The following GYG2 variants were observed in gnomAD, a reference collection of about 807,000 sequenced individuals.
GYG2 encodes the protein glycogenin-2.
A neutral mutation model predicts 29.4 loss-of-function variants in GYG2; 29 were observed. That is an observed-to-expected ratio of 0.99 (90% CI 0.74 to 1.35). The LOEUF (loss-of-function observed/expected upper bound fraction) is 1.35. Among genes scored for constraint, GYG2 ranks in the 40% most tolerant of loss-of-function variants. The probability of loss-of-function intolerance (pLI) is 0.00; values close to 1 mark genes in which losing one functional copy is unlikely to be tolerated. For synonymous variants in GYG2, 167 were observed against 172.3 expected (o/e 0.97, Z 0.24); for missense variants, 370 against 385.7 (o/e 0.96, Z 0.34).
intron 3 of GYG2, among the ~76,000 whole-genome samples, chrX:2,852,049 G>T (rs1474079067): frequency 8.9e-6 from 1 of 111,843 alleles, no homozygotes; most frequent in Non-Finnish European, 1.9e-5. Context: ...GAGCCCAGAA[G>T]TTTGAGACAA....
In GYG2 at chrX:2,830,777, G is replaced by A. The variant is rs1367391602; in HGVS notation, c.7+582G>A. Among the ~76,000 whole-genome samples, 3 of 111,835 alleles carry A rather than the reference G, an allele frequency of 2.7e-5. No homozygotes were observed. In the Admixed American group the frequency reaches 2.8e-4, roughly 11 times the overall value. On this transcript the variant is annotated intron_variant, in intron 2 of 10. Coordinates refer to ENST00000398806, the MANE Select transcript of GYG2 (RefSeq NM_001079855.2). ...CTCTAGGAAAAAAATTTAAAAATCAGCTGGGCATTGCGGCACCTGCCTGTA... is the reference window on the plus strand; with the variant it reads ...CTCTAGGAAAAAAATTTAAAAATCAACTGGGCATTGCGGCACCTGCCTGTA...
chrX:2,849,843 A>C (rs1021935140), intron 3 of GYG2, among the ~76,000 whole-genome samples: 14 of 112,250 alleles, frequency 1.2e-4, no homozygotes, highest in Admixed American at 4.8e-4. Flanking sequence ...AGCCAAGCAC[A>C]GTGGCTCATG....
intron 5 of GYG2, 59 bp downstream of exon 5, chrX:2,855,214 T>G (rs1569063696): frequency 9.7e-7 from 1 of 1,028,866 alleles, no homozygotes; most frequent in Non-Finnish European, 1.3e-6. Flanking sequence ...ACTCTGCAGA[T>G]GTAACACGAA....
intron 8 of GYG2, among the ~76,000 whole-genome samples, chrX:2,863,682 T>C (rs1335696846): frequency 8.9e-6 from 1 of 112,092 alleles, no homozygotes; most frequent in East Asian, 2.8e-4. Context: ...ATTGAAAAGA[T>C]GTTTAGGTTC....
At position 2,878,282 on chromosome X, in the gene GYG2, A is replaced by AATT. The variant is rs201944405; in HGVS notation, c.1251+997_1251+999dup. On this transcript the variant is annotated intron_variant, in intron 10 of 10. Coordinates refer to ENST00000398806, the MANE Select transcript of GYG2 (RefSeq NM_001079855.2). Reference sequence around the variant, plus strand: ...GAGTTCATTACTTTTTCTTTTTAAAAATTATTATTATTATTATTATTATTT... The same window carrying AATT: ...GAGTTCATTACTTTTTCTTTTTAAAAATTATTATTATTATTATTATTATTATTT... 2.2e-3 allele frequency: 985 copies of AATT among 442,023 alleles called. 6 individuals carry two copies. The highest frequency in any genetic ancestry group is 0.02 in the African/African-American group (717 of 36,283). 36.4% of individuals were successfully genotyped at this position (442,023 alleles called of 1,213,427 possible). A position where few individuals can be genotyped will look rare whatever the true frequency, so the allele number is the denominator to read the frequency against.
intron 2 of GYG2, among the ~76,000 whole-genome samples, chrX:2,832,285 G>T (rs1340976440): frequency 1.8e-5 from 2 of 112,308 alleles, no homozygotes; most frequent in African/African-American, 6.5e-5. Context: ...TGTTGCTGGA[G>T]AGAGCTCGTG....
At chrX:2,869,731 G>C (rs2088412036) in intron 8 of GYG2, among the ~76,000 whole-genome samples, 1 of 111,312 alleles carries the variant, frequency 9.0e-6, no homozygotes, top group Non-Finnish European at 1.9e-5. Flanking sequence ...CTGCAGCCTT[G>C]ACCTCCTGGA....
intron 8 of GYG2, among the ~76,000 whole-genome samples, chrX:2,874,564 T>C (rs1180149939): frequency 1.8e-5 from 2 of 112,441 alleles, no homozygotes; most frequent in Non-Finnish European, 3.8e-5. Context: ...CATTTTGTAT[T>C]TGTTATTTGT....
intron 3 of GYG2, among the ~76,000 whole-genome samples, chrX:2,847,703 A>AAAATAAATAAATAAAT (rs34250808): frequency 2.5e-5 from 2 of 80,962 alleles, no homozygotes; most frequent in African/African-American, 8.6e-5. Context: ...GGACTCTGTC[A>AAAATAAATAAATAAAT]AAATAAATAA....
At chrX:2,877,453 C>G in intron 10 of GYG2, 146 bp downstream of exon 10, 1 of 1,086,356 alleles carries the variant, frequency 9.2e-7, no homozygotes, top group South Asian at 2.4e-5. Context: ...TCCCCTGCCT[C>G]TGATTCTTCT....
Position 2,855,125 on chromosome X carries a change from C to T in GYG2, c.457C>T (p.Gln153Ter). The T allele has an allele frequency of 8.3e-7, 1 of 1,211,506 alleles. No individual in the cohort carries two copies. The highest frequency in any genetic ancestry group is 1.1e-6 in the Non-Finnish European group (1 of 895,168). Residue 153 changes from glutamine to a stop codon, truncating the protein, a stop_gained, in exon 5 of 11, where the codon CAG (glutamine) becomes TAG (stop). Transcript: ENST00000398806. LOFTEE classifies it high-confidence loss of function. ...PSLHTHKLLL[Q>*]HAMEHGSFDG... Reference sequence around the variant, plus strand: ...TCTCCACACGCATAAACTCCTGCTACAGCACGCCATGGAACACGGCAGCTT... The same window carrying T: ...TCTCCACACGCATAAACTCCTGCTATAGCACGCCATGGAACACGGCAGCTT...
intron 3 of GYG2, among the ~76,000 whole-genome samples, chrX:2,850,240 C>T (rs1027070001): frequency 9.0e-6 from 1 of 111,239 alleles, no homozygotes; most frequent in African/African-American, 3.3e-5. Context: ...TGCACAGTTA[C>T]GAAAATAATC....
rs1201973951 is a variant in GYG2 at position 2,854,077 on chromosome X, G to A, written c.247G>A (p.Gly83Arg). 1.7e-6 allele frequency: 2 copies of A among 1,203,072 alleles called. No homozygotes were observed. The highest frequency in any genetic ancestry group is 2.2e-6 in the Non-Finnish European group (2 of 889,485). ...GGCCTTTCTGAAGAGACCTGAGCTC[G>A]GGCTCACCCTCACCAAGCTTCACTG... ...HLAFLKRPEL[G>R]LTLTKLHCWT... Residue 83 changes from glycine (G) to arginine (R), a missense_variant, in exon 4 of 11, where the codon GGG becomes AGG. Physicochemically the swap from Gly to Arg is moderately radical, Grantham distance 125 (BLOSUM62 -2). Coordinates refer to ENST00000398806, the MANE Select transcript of GYG2 (RefSeq NM_001079855.2).
chrX:2,865,930 C>A lies in GYG2; in HGVS notation c.1038+4208C>A, dbSNP rs752921936. The stretch of plus-strand genomic sequence containing the variant: ...AATTAGTATATTGAAGGGACATCTG[C>A]CCCCCGTCCATGTTTTTGCAGTTTA... On this transcript the variant is annotated intron_variant, in intron 8 of 10. Coordinates refer to ENST00000398806, the MANE Select transcript of GYG2 (RefSeq NM_001079855.2). Among the ~76,000 whole-genome samples, 4 of 111,563 alleles carry A rather than the reference C, an allele frequency of 3.6e-5. No homozygotes were observed. In the South Asian group the frequency reaches 1.5e-3, roughly 43 times the overall value.
intron 2 of GYG2, 22 bp downstream of exon 2, chrX:2,830,217 A>C: frequency 8.4e-7 from 1 of 1,185,053 alleles, no homozygotes; most frequent in East Asian, 3.0e-5. Flanking sequence ...AAGCTGCTTC[A>C]GTTCAGCCTG....
chrX:2,876,033 C>CTTTTTTT (rs59937896), intron 9 of GYG2, 119 bp downstream of exon 9: 13 of 186,529 alleles, frequency 7.0e-5, no homozygotes, highest in African/African-American at 4.6e-4. Context: ...AAATTCCTCC[C>CTTTTTTT]TTTTTTTTTT....
At position 2,861,608 on chromosome X, in the gene GYG2, C is replaced by T. The variant is rs1324732805; in HGVS notation, c.924C>T (p.Gly308=). Reference sequence around the variant, plus strand: ...GTGAAAATTCAACACCCAGTGCGGGCGTGCCGTGTGCAAATTCACCACTGG... The same window carrying T: ...GTGAAAATTCAACACCCAGTGCGGGTGTGCCGTGTGCAAATTCACCACTGG... ...EPCENSTPSA[G]VPCANSPLGS... The change falls in exon 8 of 11, where the codon GGC becomes GGT. Residue 308 remains glycine, a synonymous_variant. Coordinates refer to ENST00000398806, the MANE Select transcript of GYG2 (RefSeq NM_001079855.2). The T allele has an allele frequency of 3.3e-6, 4 of 1,204,142 alleles. No homozygotes were observed. Among genetic ancestry groups the T allele is most frequent in the South Asian group, 1.8e-5 (1 of 56,283 alleles).
intron 5 of GYG2, among the ~76,000 whole-genome samples, chrX:2,856,199 A>G (rs1205892560): frequency 2.7e-5 from 3 of 111,741 alleles, no homozygotes; most frequent in Non-Finnish European, 5.6e-5. Context: ...TGTCACTACC[A>G]GGGAGAATTC....
intron 8 of GYG2, among the ~76,000 whole-genome samples, chrX:2,867,988 C>T (rs12558009): frequency 0.19 from 20,536 of 108,789 alleles, 1,580 homozygotes; most frequent in South Asian, 0.31. Flanking sequence ...CCCAGCTACT[C>T]GGGAGGCCGA....
Sources: allele counts gnomAD v4.1 joint callset (sites outside exome capture counted in the v4.1 genomes callset), GRCh38; gene constraint gnomAD v4.1.1; transcripts MANE v1.5; gene names NCBI Gene and HGNC (gene_info 2026-07-23, HGNC 2026-07-21).